NSL1: variants seen among roughly 807,000 people sequenced by gnomAD.
The protein encoded by NSL1 is NSL1 component of MIS12 kinetochore complex, also known as kinetochore-associated protein NSL1 homolog.
In NSL1, 11 loss-of-function variants were observed where a neutral mutation model predicts 25.4. That is an observed-to-expected ratio of 0.43 (90% confidence interval 0.27 to 0.72). The LOEUF (loss-of-function observed/expected upper bound fraction) is 0.72, where lower values mean the gene tolerates loss of function less well. Among genes scored for constraint, NSL1 ranks in the 30% least tolerant of loss-of-function variants. The pLI, the probability that NSL1 is intolerant of heterozygous loss-of-function variation, is 0.19. For missense variants in NSL1, 330 were observed against 342.7 expected, an observed-to-expected ratio of 0.96 and a Z score of 0.29; for synonymous variants, 118 against 120.6, an observed-to-expected ratio of 0.98 and a Z score of 0.14.
chr1:212,729,306 T>C lies in NSL1; in HGVS notation c.*9102A>G, dbSNP rs1173371144. On this transcript the variant is annotated 3_prime_UTR_variant, in exon 6 of 6. Coordinates refer to ENST00000366977, the MANE Select transcript of NSL1 (RefSeq NM_015471.4). Reference sequence around the variant, plus strand: ...CCTCTAATGGATCCCTAGATGCTACTGATGGCTCCCCTAACTGACGGCAAA... The same window carrying C: ...CCTCTAATGGATCCCTAGATGCTACCGATGGCTCCCCTAACTGACGGCAAA... 1.2e-5 allele frequency: 12 copies of C among 985,022 alleles called. No individual in the cohort carries two copies. The highest frequency in any genetic ancestry group is 1.4e-5 in the Non-Finnish European group (12 of 829,628). The allele number at this position is 985,022 out of a possible 1,614,324, so 61.0% of individuals were successfully genotyped here.
intron 4 of NSL1, among the ~76,000 whole-genome samples, chr1:212,778,043 G>A (rs959645449): frequency 3.3e-5 from 5 of 152,294 alleles, no homozygotes; most frequent in Admixed American, 2.0e-4. Flanking sequence ...AGAAGTCAAC[G>A]AATGTGAGAT....
intron 4 of NSL1, among the ~76,000 whole-genome samples, chr1:212,779,471 C>G (rs1660580524): frequency 7.9e-6 from 1 of 127,230 alleles, no homozygotes; most frequent in Non-Finnish European, 1.7e-5. Flanking sequence ...GTGAGGAGCC[C>G]CTCTGCACGG....
intron 4 of NSL1, among the ~76,000 whole-genome samples, chr1:212,772,499 A>C (rs1308114564): frequency 1.3e-5 from 2 of 151,704 alleles, no homozygotes; most frequent in African/African-American, 4.9e-5. Flanking sequence ...CTACCAAAAA[A>C]CAAAAATAAA....
intron 4 of NSL1, among the ~76,000 whole-genome samples, chr1:212,752,124 T>C (rs958059094): frequency 6.6e-6 from 1 of 152,222 alleles, no homozygotes; most frequent in Non-Finnish European, 1.5e-5. Flanking sequence ...AAATGTCATA[T>C]AGTGGAACTA....
At position 212,738,436 on chromosome 1, in the gene NSL1, C is replaced by T. The variant is rs199984145; in HGVS notation, c.818G>A (p.Arg273Gln). 9.4e-5 allele frequency: 151 copies of T among 1,612,714 alleles called. 1 individual carries two copies. The East Asian group carries it at 2.6e-3, about 28-fold the overall frequency. The change falls in exon 6 of 6, where the codon CGG becomes CAG. Residue 273 changes from arginine to glutamine, a missense_variant. Coordinates refer to ENST00000366977, the MANE Select transcript of NSL1 (RefSeq NM_015471.4). Reference sequence around the variant, plus strand: ...TGTATCAAGATTAATTTTCTTTGGCCGCAATGGATACCATTTTCTCTGGGG... The same window carrying T: ...TGTATCAAGATTAATTTTCTTTGGCTGCAATGGATACCATTTTCTCTGGGG... ...DCPQRKWYPL[R>Q]PKKINLDT
intron 4 of NSL1, among the ~76,000 whole-genome samples, chr1:212,748,657 T>C (rs1214335331): frequency 6.6e-6 from 1 of 152,118 alleles, no homozygotes; most frequent in Non-Finnish European, 1.5e-5. Flanking sequence ...CAAAAATCTA[T>C]GATGATGTAA....
In NSL1 at chr1:212,733,899, A is replaced by G. The variant is rs1238036460; in HGVS notation, c.*4509T>C. On this transcript the variant is annotated 3_prime_UTR_variant, in exon 6 of 6. Coordinates refer to ENST00000366977, the MANE Select transcript of NSL1 (RefSeq NM_015471.4). ...GACTCTGCTGCTTTTTCTGCATGCT[A>G]TCTCTGGAATGGGTATCGATTAGAC... is the stretch of plus-strand genomic sequence containing the variant. Among the ~76,000 whole-genome samples the G allele has an allele frequency of 6.6e-6, 1 of 152,108 alleles. No homozygotes were observed. Among genetic ancestry groups the G allele is most frequent in the Non-Finnish European group, 1.5e-5 (1 of 68,028 alleles).
At chr1:212,781,154 C>T (rs905528075) in intron 4 of NSL1, among the ~76,000 whole-genome samples, 2 of 152,184 alleles carry the variant, frequency 1.3e-5, no homozygotes, top group East Asian at 3.8e-4. Context: ...CTTTTGCTTA[C>T]TTTTGAAGTC....
intron 4 of NSL1, among the ~76,000 whole-genome samples, chr1:212,780,177 T>G (rs1340828592): frequency 1.3e-5 from 2 of 151,894 alleles, no homozygotes; most frequent in Non-Finnish European, 2.9e-5. Flanking sequence ...TCTTCGGCCT[T>G]GGGATCCTGT....
Position 212,728,178 on chromosome 1 carries a change from C to G in NSL1, c.*10230G>C. On this transcript the variant is annotated 3_prime_UTR_variant, in exon 6 of 6. Coordinates refer to ENST00000366977, the MANE Select transcript of NSL1 (RefSeq NM_015471.4). ...GAGATGGTGCATGTGAAGCTTTTAG[C>G]ATGATCATGGCATGTAGTAAGCACT... 3.2e-6 allele frequency: 3 copies of G among 931,248 alleles called. No individual in the cohort carries two copies. The highest frequency in any genetic ancestry group is 3.8e-6 in the Non-Finnish European group (3 of 780,800). The allele number at this position is 931,248 out of a possible 1,614,324, so 57.7% of individuals were successfully genotyped here. A position where few individuals can be genotyped will look rare whatever the true frequency, so the allele number is the denominator to read the frequency against.
intron 4 of NSL1, among the ~76,000 whole-genome samples, chr1:212,764,679 C>T (rs138706544): frequency 0.013 from 1,933 of 151,454 alleles, 32 homozygotes; most frequent in African/African-American, 0.045. Flanking sequence ...AACCCTCTCT[C>T]TACTAAAAAT....
intron 4 of NSL1, among the ~76,000 whole-genome samples, chr1:212,774,834 C>A (rs1009050836): frequency 2.0e-5 from 3 of 152,172 alleles, no homozygotes; most frequent in African/African-American, 7.2e-5. Flanking sequence ...GGTATACATA[C>A]TCTGGAGAAC....
intron 4 of NSL1, among the ~76,000 whole-genome samples, chr1:212,778,538 G>A (rs1262831802): frequency 6.6e-6 from 1 of 152,220 alleles, no homozygotes; most frequent in Non-Finnish European, 1.5e-5. Context: ...GCCTGCGATT[G>A]CAGGCGCGCG....
chr1:212,788,735 T>C (rs191789938), intron 1 of NSL1, among the ~76,000 whole-genome samples: 2 of 152,262 alleles, frequency 1.3e-5, no homozygotes, highest in East Asian at 3.9e-4. Flanking sequence ...ATTTTTAAAA[T>C]TGTGGGAAAA....
At chr1:212,779,304 AGCCAGCCGCCCC>A (rs1660560607) in intron 4 of NSL1, among the ~76,000 whole-genome samples, 1 of 116,986 alleles carries the variant, frequency 8.5e-6, no homozygotes, top group Non-Finnish European at 1.8e-5. Flanking sequence ...CCCCCCGCCC[AGCCAGCCGCCCC>A]GTCCGGGAGG....
intron 3 of NSL1, 83 bp downstream of exon 3, chr1:212,784,280 C>T: frequency 2.2e-6 from 2 of 905,174 alleles, no homozygotes; most frequent in Non-Finnish European, 3.3e-6. Flanking sequence ...CAAAATGTCA[C>T]TTATCTCCAC....
At chr1:212,754,252 T>C (rs1571881299) in intron 4 of NSL1, among the ~76,000 whole-genome samples, 2 of 151,938 alleles carry the variant, frequency 1.3e-5, no homozygotes. Flanking sequence ...CTAAAGCATA[T>C]ACAAAATAAA....
intron 4 of NSL1, among the ~76,000 whole-genome samples, chr1:212,764,624 T>A (rs984895177): frequency 2.6e-5 from 4 of 151,874 alleles, no homozygotes; most frequent in African/African-American, 7.3e-5. Flanking sequence ...GGCAGGCATA[T>A]CACTTGAGGT....
rs934218312 is a variant in NSL1, at chr1:212,728,255, T to G, written c.*10153A>C. 98 of 964,792 alleles carry G rather than the reference T, an allele frequency of 1.0e-4. No individual in the cohort carries two copies. Among genetic ancestry groups the G allele is most frequent in the Non-Finnish European group, 1.2e-4 (96 of 811,240 alleles). 59.8% of individuals were successfully genotyped at this position (964,792 alleles called of 1,614,324 possible). On this transcript the variant is annotated 3_prime_UTR_variant, in exon 6 of 6. Coordinates refer to ENST00000366977, the MANE Select transcript of NSL1 (RefSeq NM_015471.4). ...ATTGATATTACCTTCAGCAAATAAGTTGATAACATTATATATGTAAACATT... is the reference window on the plus strand; with the variant it reads ...ATTGATATTACCTTCAGCAAATAAGGTGATAACATTATATATGTAAACATT...
Sources: allele counts gnomAD v4.1 joint callset (sites outside exome capture counted in the v4.1 genomes callset), GRCh38; gene constraint gnomAD v4.1.1; transcripts MANE v1.5; gene names NCBI Gene and HGNC (gene_info 2026-07-23, HGNC 2026-07-21).